GRIA4: variants seen among roughly 807,000 people sequenced by gnomAD.
The protein encoded by GRIA4 is glutamate ionotropic receptor AMPA type subunit 4.
In GRIA4, 34 loss-of-function variants were observed where a neutral mutation model predicts 104.0. The observed-to-expected ratio is 0.33, with a 90% CI of 0.25 to 0.44. GRIA4 has a LOEUF of 0.44. Among genes scored for constraint, GRIA4 ranks in the 20% least tolerant of loss-of-function variants. GRIA4 has a pLI of 1.00. For missense variants in GRIA4, 750 were observed against 1,096.5 expected (o/e 0.68, Z 4.46); for synonymous variants, 386 against 381.9 (o/e 1.01, Z -0.13).
At chr11:105,880,728 T>A (rs1946020260) in intron 5 of GRIA4, among the ~76,000 whole-genome samples, 1 of 152,164 alleles carries the variant, frequency 6.6e-6, no homozygotes, top group Non-Finnish European at 1.5e-5. Flanking sequence ...ATAAAGACAC[T>A]GAGTCATTCC....
At chr11:105,675,603 C>A (rs901315696) in intron 3 of GRIA4, among the ~76,000 whole-genome samples, 2 of 151,700 alleles carry the variant, frequency 1.3e-5, no homozygotes, top group East Asian at 1.9e-4. Context: ...TTCTTAAGAA[C>A]AAGATCTACA....
At chr11:105,916,232 C>T (rs1160974513) in intron 10 of GRIA4, among the ~76,000 whole-genome samples, 1 of 152,002 alleles carries the variant, frequency 6.6e-6, no homozygotes, top group Non-Finnish European at 1.5e-5. Flanking sequence ...GGGTCAGTTC[C>T]CACCTCTTTC....
intron 5 of GRIA4, among the ~76,000 whole-genome samples, chr11:105,863,726 C>T (rs1301538206): frequency 6.6e-6 from 1 of 152,064 alleles, no homozygotes; most frequent in Non-Finnish European, 1.5e-5. Context: ...CTAAGAACTG[C>T]CTGGATTGCC....
At chr11:105,880,128 T>G (rs979640542) in intron 5 of GRIA4, among the ~76,000 whole-genome samples, 1 of 152,220 alleles carries the variant, frequency 6.6e-6, no homozygotes, top group Non-Finnish European at 1.5e-5. Context: ...TTCTAATGGT[T>G]CTTTCAAGCT....
intron 3 of GRIA4, among the ~76,000 whole-genome samples, chr11:105,717,702 T>C (rs1157139232): frequency 6.6e-6 from 1 of 151,856 alleles, no homozygotes; most frequent in African/African-American, 2.4e-5. Context: ...TTCTCTCTTT[T>C]TTCTTTTTTT....
At chr11:105,808,290 G>C (rs1943030949) in intron 4 of GRIA4, among the ~76,000 whole-genome samples, 2 of 151,942 alleles carry the variant, frequency 1.3e-5, no homozygotes, top group Non-Finnish European at 2.9e-5. Context: ...TCTAGAACCA[G>C]AGAGAGAAAA....
intron 3 of GRIA4, among the ~76,000 whole-genome samples, chr11:105,727,098 G>T (rs1257139628): frequency 6.6e-6 from 1 of 151,978 alleles, no homozygotes; most frequent in Non-Finnish European, 1.5e-5. Context: ...CAAGCTAAAG[G>T]AGCATGTTAT....
At chr11:105,746,074 G>A (rs573214733) in intron 3 of GRIA4, among the ~76,000 whole-genome samples, 20 of 151,876 alleles carry the variant, frequency 1.3e-4, no homozygotes, top group Non-Finnish European at 2.1e-4. Flanking sequence ...ACATTTATGC[G>A]ATACGTTTGC....
chr11:105,653,244 C>T (rs1951735253), intron 3 of GRIA4, among the ~76,000 whole-genome samples: 1 of 152,184 alleles, frequency 6.6e-6, no homozygotes, highest in Non-Finnish European at 1.5e-5. Flanking sequence ...CACTTTCATC[C>T]TTTTATCTGA....
intron 4 of GRIA4, among the ~76,000 whole-genome samples, chr11:105,830,710 A>T (rs1175200642): frequency 2.0e-5 from 3 of 152,066 alleles, no homozygotes; most frequent in Non-Finnish European, 4.4e-5. Context: ...GGACATAGGC[A>T]TAACACATAA....
intron 3 of GRIA4, among the ~76,000 whole-genome samples, chr11:105,692,338 C>T (rs1028242884): frequency 3.3e-5 from 5 of 152,012 alleles, no homozygotes; most frequent in African/African-American, 1.2e-4. Flanking sequence ...AGCGTGCTTA[C>T]ATTCCAGTGG....
intron 9 of GRIA4, among the ~76,000 whole-genome samples, chr11:105,907,223 T>C (rs1947071387): frequency 6.6e-6 from 1 of 152,138 alleles, no homozygotes; most frequent in African/African-American, 2.4e-5. Flanking sequence ...AAGGAGTAAG[T>C]TGGGAGAGTG....
chr11:105,689,329 C>T (rs1201254265), intron 3 of GRIA4, among the ~76,000 whole-genome samples: 1 of 152,152 alleles, frequency 6.6e-6, no homozygotes, highest in Non-Finnish European at 1.5e-5. Context: ...TCCAAACCCT[C>T]CTTTGCCTGT....
chr11:105,876,828 G>A (rs373652467), intron 5 of GRIA4, among the ~76,000 whole-genome samples: 13 of 151,918 alleles, frequency 8.6e-5, no homozygotes, highest in African/African-American at 2.9e-4. Context: ...GAGATGGGTC[G>A]CTGAATACAG....
chr11:105,847,958 A>G (rs1329626453), intron 4 of GRIA4, among the ~76,000 whole-genome samples: 1 of 152,206 alleles, frequency 6.6e-6, no homozygotes, highest in African/African-American at 2.4e-5. Flanking sequence ...AGATTTAATT[A>G]GTAGACTTGC....
rs1951693662 is a variant in GRIA4 at position 105,651,795 on chromosome 11, G to C, written c.247+39361G>C. ...CATTTATCATTCCCATATCAGCTTA[G>C]ATGTAATGAGAATTGCTTCAATGCC... On this transcript the variant is annotated intron_variant, in intron 3 of 16. Coordinates refer to ENST00000282499, the MANE Select transcript of GRIA4 (RefSeq NM_000829.4). Among the ~76,000 whole-genome samples the C allele has an allele frequency of 2.0e-5, 3 of 151,900 alleles. No individual in the cohort carries two copies. The South Asian group carries it at 6.2e-4, about 31-fold the overall frequency.
chr11:105,797,067 G>A (rs531217217), intron 4 of GRIA4, among the ~76,000 whole-genome samples: 18 of 152,022 alleles, frequency 1.2e-4, no homozygotes, highest in Admixed American at 6.6e-4. Context: ...TAAAAAGTCC[G>A]GCATGGTGGT....
chr11:105,639,108 G>A (rs927934759), intron 3 of GRIA4, among the ~76,000 whole-genome samples: 3 of 152,072 alleles, frequency 2.0e-5, no homozygotes, highest in African/African-American at 7.2e-5. Flanking sequence ...TACTTGGAAT[G>A]GGAATACTTA....
At chr11:105,865,044 A>C (rs1945355801) in intron 5 of GRIA4, among the ~76,000 whole-genome samples, 1 of 152,234 alleles carries the variant, frequency 6.6e-6, no homozygotes, top group Admixed American at 6.5e-5. Context: ...GAAGCATTTC[A>C]TCTTCTATAC....
Sources: allele counts gnomAD v4.1 joint callset (sites outside exome capture counted in the v4.1 genomes callset), GRCh38; gene constraint gnomAD v4.1.1; transcripts MANE v1.5; gene names NCBI Gene and HGNC (gene_info 2026-07-23, HGNC 2026-07-21).